Variants in TTBK1 observed in about 807,000 individuals in gnomAD.
TTBK1 encodes tau tubulin kinase 1, also known as tau-tubulin kinase 1.
Under a neutral mutation model 108.5 loss-of-function variants are expected in TTBK1, and 34 were observed. The ratio of observed to expected loss-of-function variants is 0.31; its 90% CI spans 0.24 to 0.42. The LOEUF (loss-of-function observed/expected upper bound fraction) is 0.42, where lower values mean the gene tolerates loss of function less well. TTBK1 is among the 10% of genes least tolerant of loss of function. The pLI is 1.00. For synonymous variants in TTBK1, 809 were observed against 795.1 expected (o/e 1.02, Z -0.29); for missense variants, 1,539 against 1,826.0 (o/e 0.84, Z 2.86).
chr6:43,245,055 A>T (rs945975912), intron 1 of TTBK1, among the ~76,000 whole-genome samples: 3 of 152,246 alleles, frequency 2.0e-5, no homozygotes, highest in Non-Finnish European at 2.9e-5. Context: ...CCTCCCCATG[A>T]AGATCCCTTC....
intron 1 of TTBK1, among the ~76,000 whole-genome samples, chr6:43,245,019 A>T (rs1777050309): frequency 6.6e-6 from 1 of 152,200 alleles, no homozygotes; most frequent in African/African-American, 2.4e-5. Context: ...AGTCACTTGA[A>T]GAAAGAGAAA....
chr6:43,253,840 C>A lies in TTBK1; in HGVS notation c.471+132C>A. On this transcript the variant is annotated intron_variant, in intron 5 of 14. Transcript: ENST00000259750. The surrounding 1 kb of genome is among the most constrained non-coding windows in gnomAD (Gnocchi z 5.8). Reference sequence around the variant, plus strand: ...GATGGGACAGCCTCTTCTCCCCAAGCCCCTCCTGCTCTCCTTCCCAGGCCC... The same window carrying A: ...GATGGGACAGCCTCTTCTCCCCAAGACCCTCCTGCTCTCCTTCCCAGGCCC... 3.3e-6 allele frequency: 4 copies of A among 1,212,326 alleles called. No homozygotes were observed. The highest frequency in any genetic ancestry group is 4.5e-6 in the Non-Finnish European group (4 of 890,724). The allele number at this position is 1,212,326 out of a possible 1,614,324, so 75.1% of individuals were successfully genotyped here.
chr6:43,255,010 G>T (rs371810142), intron 6 of TTBK1, 39 bp from the exon 7 acceptor site: 1 of 1,600,724 alleles, frequency 6.2e-7, no homozygotes, highest in African/African-American at 1.3e-5. Context: ...TGAGGTGAGG[G>T]CATGGTGGGT....
chr6:43,281,591 A>T (rs1461595381), intron 13 of TTBK1, among the ~76,000 whole-genome samples: 2 of 152,136 alleles, frequency 1.3e-5, no homozygotes, highest in Non-Finnish European at 2.9e-5. Flanking sequence ...GGGGTAGCAG[A>T]CACAGAGAAG....
At chr6:43,271,284 G>A in intron 13 of TTBK1, 1 of 985,500 alleles carries the variant, frequency 1.0e-6, no homozygotes, top group Non-Finnish European at 1.2e-6. Context: ...GTGCATAAGA[G>A]TGTGCTTACG....
At chr6:43,284,934 T>C (rs1331371515) in intron 14 of TTBK1, 49 bp from the exon 15 acceptor site, 13 of 1,487,314 alleles carry the variant, frequency 8.7e-6, no homozygotes, top group Non-Finnish European at 1.2e-5. Flanking sequence ...TTTCTCCTTG[T>C]TTTGTTTCTT....
rs773192425 is a variant in TTBK1, at chr6:43,285,158, C to A, written c.3748C>A (p.Arg1250=). ...CGCGCGCAATGCCAGCGCGTCCCCC[C>A]GGAGCCAGTCCCTGTCCCGCAGAGA... The part of the protein sequence containing the change: ...SAARNASASP[R]SQSLSRRESP... The change falls in exon 15 of 15, where the codon CGG becomes AGG. Residue 1250 remains arginine, a synonymous_variant. Coordinates refer to ENST00000259750, the MANE Select transcript of TTBK1 (RefSeq NM_032538.3). This position sits in a 1 kb window ranked among gnomAD's most constrained non-coding sequence, Gnocchi z 4.7. 1.4e-6 allele frequency: 2 copies of A among 1,419,254 alleles called. No homozygotes were observed. Among genetic ancestry groups the A allele is most frequent in the Non-Finnish European group, 9.1e-7 (1 of 1,094,918 alleles). The allele number at this position is 1,419,254 out of a possible 1,614,324, so 87.9% of individuals were successfully genotyped here.
intron 2 of TTBK1, among the ~76,000 whole-genome samples, chr6:43,251,928 G>C (rs1777252151): frequency 1.3e-5 from 2 of 152,168 alleles, no homozygotes; most frequent in African/African-American, 4.8e-5. Context: ...TGACTCTTGG[G>C]TGGTTGCCAA....
In TTBK1 at chr6:43,265,480, C is replaced by T. The variant is rs1777651772; in HGVS notation, c.1986+2130C>T. ...CCCGTGAGTCCTCACCCAGAGAGGC[C>T]CTAGCTGGCCTGAGTTGGAGGAGCA... On this transcript the variant is annotated intron_variant, in intron 13 of 14. Transcript: ENST00000259750. This position sits in a 1 kb window ranked among gnomAD's most constrained non-coding sequence, Gnocchi z 4.1. 6.6e-6 allele frequency among the ~76,000 whole-genome samples: 1 copy of T among 152,176 alleles called. No individual in the cohort carries two copies. Among genetic ancestry groups the T allele is most frequent in the Non-Finnish European group, 1.5e-5 (1 of 68,016 alleles).
Position 43,255,405 on chromosome 6 carries a change from G to A in TTBK1, c.643-147G>A. ...TGTGGGTGTTGGAGGGTTGGGGATG[G>A]AGCTGTGGCCTCAGGGAGACCCCAG... On this transcript the variant is annotated intron_variant, in intron 7 of 14. Coordinates refer to ENST00000259750, the MANE Select transcript of TTBK1 (RefSeq NM_032538.3). 4 of 742,076 alleles carry A rather than the reference G, an allele frequency of 5.4e-6. No homozygotes were observed. The Admixed American group carries it at 6.9e-5, about 13-fold the overall frequency. The allele number at this position is 742,076 out of a possible 1,614,324, so 46.0% of individuals were successfully genotyped here. A position where few individuals can be genotyped will look rare whatever the true frequency, so the allele number is the denominator to read the frequency against.
At chr6:43,279,141 G>A (rs1392950671) in intron 13 of TTBK1, among the ~76,000 whole-genome samples, 1 of 152,142 alleles carries the variant, frequency 6.6e-6, no homozygotes, top group Non-Finnish European at 1.5e-5. Context: ...TTGATTTCCA[G>A]TTCTCATTCC....
At chr6:43,270,063 C>G (rs2150702673) in intron 13 of TTBK1, 3 of 1,415,330 alleles carry the variant, frequency 2.1e-6, no homozygotes, top group East Asian at 5.3e-5. Flanking sequence ...TCCCATCCCA[C>G]CCCATCATGC....
At chr6:43,277,285 G>T (rs1277776355) in intron 13 of TTBK1, among the ~76,000 whole-genome samples, 2 of 152,034 alleles carry the variant, frequency 1.3e-5, no homozygotes, top group Admixed American at 6.5e-5. Context: ...GGGGTTGGGG[G>T]TGCAGGGATG....
intron 13 of TTBK1, among the ~76,000 whole-genome samples, chr6:43,266,784 T>C (rs997645707): frequency 1.3e-5 from 2 of 151,872 alleles, no homozygotes; most frequent in Admixed American, 6.6e-5. Flanking sequence ...CACACCCGGC[T>C]AATTTTGTAT....
intron 2 of TTBK1, among the ~76,000 whole-genome samples, chr6:43,248,837 T>C (rs1471017593): frequency 1.3e-5 from 2 of 152,098 alleles, no homozygotes; most frequent in Non-Finnish European, 2.9e-5. Flanking sequence ...AATAATAACA[T>C]CTTATTCATC....
At chr6:43,277,664 C>T (rs1189125972) in intron 13 of TTBK1, among the ~76,000 whole-genome samples, 1 of 152,232 alleles carries the variant, frequency 6.6e-6, no homozygotes, top group Non-Finnish European at 1.5e-5. Context: ...CCGCCACCTT[C>T]CCCTTCCCCG....
rs771961094 is a variant in TTBK1, at chr6:43,283,013, A to T, written c.2273A>T (p.Glu758Val). 6.3e-7 allele frequency: 1 copy of T among 1,594,946 alleles called. No homozygotes were observed. Among genetic ancestry groups the T allele is most frequent in the East Asian group, 2.3e-5 (1 of 44,210 alleles). ...GAAGAAGAAGAGGAGGAAGAGGAAGAGGAGGAGGAAGAAGAGGAGGAGGAG... is the reference window on the plus strand; with the variant it reads ...GAAGAAGAAGAGGAGGAAGAGGAAGTGGAGGAGGAAGAAGAGGAGGAGGAG... ...DEEEEEEEEE[E>V]EEEEEEEEEE... The change falls in exon 14 of 15, where the codon GAG (glutamate) becomes GTG (valine). Residue 758 changes from glutamate (E) to valine (V), a missense_variant. Physicochemically the swap from Glu to Val is moderately radical, Grantham distance 121. This residue lies in a region of TTBK1 where 1,055 missense variants were observed against 1,086.5 expected (regional missense o/e 0.97). Coordinates refer to ENST00000259750, the MANE Select transcript of TTBK1 (RefSeq NM_032538.3). This position sits in a 1 kb window ranked among gnomAD's most constrained non-coding sequence, Gnocchi z 8.1.
rs1361465828 is a variant in TTBK1 at position 43,282,866 on chromosome 6, G to A, written c.2126G>A (p.Gly709Asp). 6.2e-7 allele frequency: 1 copy of A among 1,614,026 alleles called. No individual in the cohort carries two copies. The highest frequency in any genetic ancestry group is 8.5e-7 in the Non-Finnish European group (1 of 1,179,990). ...ARLLNRVRRV[G>D]FSHMLLTTPQ... ...TTGCTCAACAGGGTCCGGAGGGTGGGCTTCTCGCACATGCTGCTCACCACC... is the reference window on the plus strand; with the variant it reads ...TTGCTCAACAGGGTCCGGAGGGTGGACTTCTCGCACATGCTGCTCACCACC... The change falls in exon 14 of 15, where the codon GGC (glycine) becomes GAC (aspartate). Residue 709 changes from glycine (G) to aspartate (D), a missense_variant. Physicochemically the swap from Gly to Asp is moderately conservative, Grantham distance 94. Transcript: ENST00000259750. This position sits in a 1 kb window ranked among gnomAD's most constrained non-coding sequence, Gnocchi z 5.4.
chr6:43,244,161 C>A (rs1033519028), intron 1 of TTBK1, among the ~76,000 whole-genome samples: 8 of 152,070 alleles, frequency 5.3e-5, no homozygotes, highest in African/African-American at 9.7e-5. Context: ...TTATCTCTCA[C>A]GGGTCTCTAT....
Sources: allele counts gnomAD v4.1 joint callset (sites outside exome capture counted in the v4.1 genomes callset), GRCh38; gene constraint gnomAD v4.1.1; regional missense constraint gnomAD v4.1.1; non-coding constraint Gnocchi (gnomAD v3.1); transcripts MANE v1.5; gene names NCBI Gene and HGNC (gene_info 2026-07-23, HGNC 2026-07-21).